MPP2: variants seen among roughly 807,000 people sequenced by gnomAD.
MPP2 encodes the protein MAGUK p55 scaffold protein 2.
Under a neutral mutation model 58.5 loss-of-function variants are expected in MPP2, and 42 were observed. The ratio of observed to expected loss-of-function variants is 0.72; its 90% confidence interval spans 0.56 to 0.93. The LOEUF (loss-of-function observed/expected upper bound fraction) is 0.93, where lower values mean the gene tolerates loss of function less well. MPP2 is among the 40% of genes least tolerant of loss of function. MPP2 has a pLI of 0.00. For missense variants in MPP2, 632 were observed against 760.4 expected (o/e 0.83, Z 1.99); for synonymous variants, 300 against 307.8 (o/e 0.97, Z 0.26).
In MPP2 at chr17:43,881,636, G is replaced by T. The variant is rs764290425; in HGVS notation, c.682-47C>A. The T allele has an allele frequency of 3.1e-6, 5 of 1,597,886 alleles. No individual in the cohort carries two copies. The Admixed American group carries it at 8.5e-5, about 27-fold the overall frequency. ...GGGTCGGGGGAAGGGTCAGCAGAAG[G>T]CTGCAGGTGGAGGTCTACCCCATGC... On this transcript the variant is annotated intron_variant, in intron 6 of 12. Coordinates refer to ENST00000269095, the MANE Select transcript of MPP2 (RefSeq NM_005374.5).
chr17:43,879,887 G>A lies in MPP2; in HGVS notation c.1248C>T (p.Tyr416=). ...TGCCCTCGTATTCGCCATGCTCCAGGTAGCGCCCAGCACGGACGTCAGCCT... is the reference window on the plus strand; with the variant it reads ...TGCCCTCGTATTCGCCATGCTCCAGATAGCGCCCAGCACGGACGTCAGCCT... ...EMEADVRAGR[Y]LEHGEYEGNL... Residue 416 remains tyrosine, a synonymous_variant, in exon 11 of 13, where the codon TAC becomes TAT. Coordinates refer to ENST00000269095, the MANE Select transcript of MPP2 (RefSeq NM_005374.5). The surrounding 1 kb of genome is among the most constrained non-coding windows in gnomAD (Gnocchi z 4.1). 1 of 1,614,030 alleles carries A rather than the reference G, an allele frequency of 6.2e-7. No homozygotes were observed.
rs543968642 is a variant in MPP2 at position 43,903,224 on chromosome 17, C to T, written c.31+1206G>A. ...CTGGGAGGTGAAGGTTGCAGTGAGC[C>T]GAGATCCCACCACTGCCCTCCAGCC... On this transcript the variant is annotated intron_variant, in intron 2 of 12. Coordinates refer to ENST00000269095, the MANE Select transcript of MPP2 (RefSeq NM_005374.5). Among the ~76,000 whole-genome samples the T allele has an allele frequency of 1.6e-4, 24 of 149,900 alleles. No homozygotes were observed. The East Asian group carries it at 2.0e-3, about 12-fold the overall frequency.
intron 1 of MPP2, among the ~76,000 whole-genome samples, chr17:43,905,845 G>A (rs1237971260): frequency 6.6e-6 from 1 of 152,092 alleles, no homozygotes; most frequent in Non-Finnish European, 1.5e-5. Context: ...CCTGAGCTCA[G>A]GTGACAGAAA....
chr17:43,902,293 C>G (rs1219164180), intron 2 of MPP2, among the ~76,000 whole-genome samples: 1 of 152,114 alleles, frequency 6.6e-6, no homozygotes, highest in Non-Finnish European at 1.5e-5. Flanking sequence ...TCCTCCCCCA[C>G]CACGCCCCCA....
Position 43,879,317 on chromosome 17 carries a change from G to A in MPP2, c.1440C>T (p.Asn480=), listed in dbSNP as rs1258088988. Residue 480 remains asparagine, a synonymous_variant, in exon 12 of 13, where the codon AAC becomes AAT. Coordinates refer to ENST00000269095, the MANE Select transcript of MPP2 (RefSeq NM_005374.5). The surrounding 1 kb of genome is among the most constrained non-coding windows in gnomAD (Gnocchi z 4.1). ...APDFETLRAM[N]RAALESGIST... ...ATATTCCACTCTCCAGCGCAGCCCT[G>A]TTCATGGCCCGCAGGGTCTCGAAGT... 6 of 1,614,140 alleles carry A rather than the reference G, an allele frequency of 3.7e-6. No individual in the cohort carries two copies. In the Middle Eastern group the frequency reaches 6.6e-4, roughly 178 times the overall value.
chr17:43,906,342 T>C (rs1032307316), intron 1 of MPP2, among the ~76,000 whole-genome samples: 1 of 152,198 alleles, frequency 6.6e-6, no homozygotes, highest in Admixed American at 6.5e-5. Flanking sequence ...AGAACGGCAG[T>C]GCCAGGCAAG....
At chr17:43,906,385 A>G (rs1254264522) in intron 1 of MPP2, among the ~76,000 whole-genome samples, 1 of 152,202 alleles carries the variant, frequency 6.6e-6, no homozygotes, top group African/African-American at 2.4e-5. Flanking sequence ...TCCTGCACCC[A>G]GACATCTGGG....
intron 3 of MPP2, among the ~76,000 whole-genome samples, chr17:43,894,243 C>G (rs936953089): frequency 1.3e-5 from 2 of 151,540 alleles, no homozygotes; most frequent in Non-Finnish European, 2.9e-5. Flanking sequence ...ATGGTGAAAC[C>G]CCATCTCTAC....
At position 43,877,942 on chromosome 17, in the gene MPP2, G is replaced by C; in HGVS notation, c.1524C>G (p.Ile508Met). The part of the protein sequence containing the change: ...LRRTVEESSR[I>M]QRGYGHYFDL... Reference sequence around the variant, plus strand: ...CAAAGTAGTGCCCGTAGCCCCGCTGGATGCGGCTGCTCTCCTCCACTGTCC... The same window carrying C: ...CAAAGTAGTGCCCGTAGCCCCGCTGCATGCGGCTGCTCTCCTCCACTGTCC... Residue 508 changes from isoleucine (I) to methionine (M), a missense_variant, in exon 13 of 13, where the codon ATC becomes ATG. Physicochemically the swap from Ile to Met is conservative, Grantham distance 10 (BLOSUM62 1). Transcript: ENST00000269095. 1.2e-6 allele frequency: 2 copies of C among 1,613,948 alleles called. No homozygotes were observed. Among genetic ancestry groups the C allele is most frequent in the Non-Finnish European group, 1.7e-6 (2 of 1,179,934 alleles).
chr17:43,890,620 AGT>A (rs1486693175), intron 3 of MPP2, among the ~76,000 whole-genome samples: 1 of 152,248 alleles, frequency 6.6e-6, no homozygotes, highest in African/African-American at 2.4e-5. Flanking sequence ...CCCAGAGAGT[AGT>A]GTGTCAGAAA....
At chr17:43,900,631 G>C in intron 2 of MPP2, 1 of 1,450,898 alleles carries the variant, frequency 6.9e-7, no homozygotes, top group Non-Finnish European at 9.1e-7. Flanking sequence ...GCCTGGCCGG[G>C]CTGGGGAAGG....
intron 3 of MPP2, among the ~76,000 whole-genome samples, chr17:43,894,616 GAAAA>G (rs36073194): frequency 2.9e-4 from 19 of 66,090 alleles, no homozygotes; most frequent in African/African-American, 1.0e-3. Context: ...GACTCCAGAG[GAAAA>G]AAAAAAAAAA....
At chr17:43,901,401 G>A in intron 2 of MPP2, 1 of 985,496 alleles carries the variant, frequency 1.0e-6, no homozygotes, top group African/African-American at 1.7e-5. Context: ...CCCCAGAAAG[G>A]AAAAATGAGG....
Position 43,879,225 on chromosome 17 carries a change from A to C in MPP2, c.1482+50T>G. The C allele has an allele frequency of 6.4e-7, 1 of 1,564,816 alleles. No individual in the cohort carries two copies. Among genetic ancestry groups the C allele is most frequent in the Non-Finnish European group, 8.7e-7 (1 of 1,148,840 alleles). The stretch of plus-strand genomic sequence containing the variant: ...CTCTGTCAGCTCAGGCCTGTCCCCC[A>C]CCACCCTAGGCAGCTATCAGACCCC... On this transcript the variant is annotated intron_variant, in intron 12 of 12. Coordinates refer to ENST00000269095, the MANE Select transcript of MPP2 (RefSeq NM_005374.5). The surrounding 1 kb of genome is among the most constrained non-coding windows in gnomAD (Gnocchi z 4.1).
chr17:43,883,485 C>T, intron 3 of MPP2, 130 bp from the exon 4 acceptor site: 1 of 1,001,226 alleles, frequency 1.0e-6, no homozygotes, highest in Non-Finnish European at 1.4e-6. Context: ...CAGCTCCTCA[C>T]TCACTGACAA....
rs1429459226 is a variant in MPP2 at position 43,876,488 on chromosome 17, CA to C, written c.*1318del. ...CATTTAGGGTAGGGGGACAATAAGACAAGGGAGGAGACATCAGGAAAGGACC... is the reference window on the plus strand; with the variant it reads ...CATTTAGGGTAGGGGGACAATAAGACAGGGAGGAGACATCAGGAAAGGACC... On this transcript the variant is annotated 3_prime_UTR_variant, in exon 13 of 13. Coordinates refer to ENST00000269095, the MANE Select transcript of MPP2 (RefSeq NM_005374.5). 1.3e-5 allele frequency: 2 copies of C among 152,320 alleles called. No individual in the cohort carries two copies. The highest frequency in any genetic ancestry group is 3.9e-4 in the East Asian group (2 of 5,182). 9.4% of individuals were successfully genotyped at this position (152,320 alleles called of 1,614,324 possible). A position where few individuals can be genotyped will look rare whatever the true frequency, so the allele number is the denominator to read the frequency against.
intron 1 of MPP2, chr17:43,907,059 G>T: frequency 1.8e-6 from 1 of 566,478 alleles, no homozygotes; most frequent in Non-Finnish European, 2.2e-6. Flanking sequence ...GGACCAGGGG[G>T]CCACCGGGAC....
intron 3 of MPP2, among the ~76,000 whole-genome samples, chr17:43,885,122 CA>C (rs540949072): frequency 0.097 from 5,877 of 60,504 alleles, 360 homozygotes; most frequent in African/African-American, 0.26. Context: ...AACTCCAGCT[CA>C]AAAAAAAAAA....
At position 43,880,600 on chromosome 17, in the gene MPP2, C is replaced by T. The variant is rs1157852750; in HGVS notation, c.1150+91G>A. ...CCAAAGGTACCACCTGGCCTGGTGC[C>T]CATGAAGATGCCCATTCGGTGGGCC... is the stretch of plus-strand genomic sequence containing the variant. On this transcript the variant is annotated intron_variant, in intron 10 of 12. Coordinates refer to ENST00000269095, the MANE Select transcript of MPP2 (RefSeq NM_005374.5). The surrounding 1 kb of genome is among the most constrained non-coding windows in gnomAD (Gnocchi z 5.2). The T allele has an allele frequency of 2.8e-6, 4 of 1,432,694 alleles. No individual in the cohort carries two copies. Among genetic ancestry groups the T allele is most frequent in the African/African-American group, 2.9e-5 (2 of 70,022 alleles). The allele number at this position is 1,432,694 out of a possible 1,614,324, so 88.7% of individuals were successfully genotyped here. A position where few individuals can be genotyped will look rare whatever the true frequency, so the allele number is the denominator to read the frequency against.
Sources: gnomAD v4.1 joint callset for allele counts (sites outside exome capture counted in the v4.1 genomes callset) on GRCh38, gnomAD v4.1.1 for gene constraint, Gnocchi (gnomAD v3.1) non-coding constraint, MANE v1.5 for transcripts, NCBI Gene and HGNC (gene_info 2026-07-23, HGNC 2026-07-21) for gene names.